Variants in ZNF112 observed in about 807,000 individuals in gnomAD.
The protein encoded by ZNF112 is zinc finger protein 112 (Y14).
Under a neutral mutation model 77.7 loss-of-function variants are expected in ZNF112, and 37 were observed. That is an observed-to-expected ratio of 0.48 (90% confidence interval 0.37 to 0.63). The LOEUF (loss-of-function observed/expected upper bound fraction) is 0.63. ZNF112 is among the 20% of genes least tolerant of loss of function. The pLI is 0.00. For synonymous variants in ZNF112, 333 were observed against 363.6 expected (o/e 0.92, Z 0.96); for missense variants, 950 against 1,077.4 (o/e 0.88, Z 1.66).
upstream of ZNF112, among the ~76,000 whole-genome samples, chr19:44,357,870 G>T (rs7359901): frequency 6.6e-6 from 1 of 152,132 alleles, no homozygotes; most frequent in Admixed American, 6.5e-5. Flanking sequence ...TGAATGGGTT[G>T]ACTCAATCCA....
At chr19:44,334,468 T>C (rs1052996654) in intron 3 of ZNF112, among the ~76,000 whole-genome samples, 1 of 152,130 alleles carries the variant, frequency 6.6e-6, no homozygotes, top group Non-Finnish European at 1.5e-5. Context: ...TGTGCCTAAG[T>C]AAAGAGGAGC....
chr19:44,337,840 TACACACACACACACAC>T lies in ZNF112; in HGVS notation c.125-1138_125-1123del, dbSNP rs71171235. Among the ~76,000 whole-genome samples, 13 of 47,490 alleles carry T rather than the reference TACACACACACACACAC, an allele frequency of 2.7e-4. No homozygotes were observed. The South Asian group carries it at 0.01, about 38-fold the overall frequency. 31.2% of individuals were successfully genotyped at this position (47,490 alleles called of 152,430 possible). A position where few individuals can be genotyped will look rare whatever the true frequency, so the allele number is the denominator to read the frequency against. On this transcript the variant is annotated intron_variant, in intron 2 of 3. Coordinates refer to ENST00000354340, the MANE Select transcript of ZNF112 (RefSeq NM_013380.4). ...ATATGTGTATGTATATACATACACA[TACACACACACACACAC>T]ACACACACACACACACACACACCCT...
chr19:44,359,852 A>G (rs1174804392), upstream of ZNF112, among the ~76,000 whole-genome samples: 1 of 152,226 alleles, frequency 6.6e-6, no homozygotes, highest in African/African-American at 2.4e-5. Context: ...AACCATGTTC[A>G]TCTCAAAATT....
chr19:44,332,546 T>A (rs2123149564), intron 3 of ZNF112, among the ~76,000 whole-genome samples: 1 of 152,342 alleles, frequency 6.6e-6, no homozygotes, highest in African/African-American at 2.4e-5. Flanking sequence ...CCAGCTAGGG[T>A]TAATCATAAT....
intron 1 of ZNF112, 111 bp from the exon 2 acceptor site, chr19:44,340,653 T>G: frequency 6.7e-7 from 1 of 1,485,062 alleles, no homozygotes; most frequent in South Asian, 1.2e-5. Flanking sequence ...CACATTTACA[T>G]AGTTCTCTTC....
chr19:44,363,060 A>G (rs958668895), intron 1 of ZNF112, among the ~76,000 whole-genome samples: 16 of 152,258 alleles, frequency 1.1e-4, no homozygotes, highest in Non-Finnish European at 1.8e-4. Context: ...GCCTTGACCA[A>G]CTGGGCTCAA....
At chr19:44,332,797 T>A (rs1410693187) in intron 3 of ZNF112, among the ~76,000 whole-genome samples, 1 of 152,182 alleles carries the variant, frequency 6.6e-6, no homozygotes, top group Admixed American at 6.5e-5. Flanking sequence ...GGTTTTGCAA[T>A]GTTAAGGACA....
At position 44,337,952 on chromosome 19, in the gene ZNF112, T is replaced by C. The variant is rs966636728; in HGVS notation, c.125-1234A>G. On this transcript the variant is annotated intron_variant, in intron 2 of 3. Transcript: ENST00000354340. Reference sequence around the variant, plus strand: ...GTGACCATACCTAGCATCCAGACTTTGGCATTAAATACCATTCCCCAGTTA... The same window carrying C: ...GTGACCATACCTAGCATCCAGACTTCGGCATTAAATACCATTCCCCAGTTA... Among the ~76,000 whole-genome samples, 20 of 142,550 alleles carry C rather than the reference T, an allele frequency of 1.4e-4. 1 individual carries two copies. The South Asian group carries it at 1.6e-3, about 12-fold the overall frequency. 93.5% of individuals were successfully genotyped at this position (142,550 alleles called of 152,430 possible).
At position 44,336,656 on chromosome 19, in the gene ZNF112, C is replaced by T. The variant is rs1273819756; in HGVS notation, c.187G>A (p.Val63Met). ...QLEREEKLLM[V>M]ETETPRDGCS... ...CCATCTCTTGGGGTTTCTGTCTCCA[C>T]CATCAAAAGCTTTTCTTCTCTCTCC... Residue 63 changes from valine (V) to methionine (M), a missense_variant, in exon 3 of 4, where the codon GTG becomes ATG. Coordinates refer to ENST00000354340, the MANE Select transcript of ZNF112 (RefSeq NM_013380.4). 3 of 1,613,894 alleles carry T rather than the reference C, an allele frequency of 1.9e-6. No homozygotes were observed. The highest frequency in any genetic ancestry group is 2.7e-5 in the African/African-American group (2 of 74,882).
At chr19:44,353,571 C>T (rs1013848341) in intron 1 of ZNF112, among the ~76,000 whole-genome samples, 11 of 151,880 alleles carry the variant, frequency 7.2e-5, no homozygotes, top group African/African-American at 2.7e-4. Context: ...CAATGTAAAA[C>T]TGGGCAAAGC....
intron 1 of ZNF112, chr19:44,367,063 C>G: frequency 2.2e-6 from 1 of 455,830 alleles, no homozygotes; most frequent in South Asian, 1.5e-5. Context: ...GCTGCAAACT[C>G]GACAAAGGCT....
At chr19:44,356,437 C>T (rs1970787603) in intron 1 of ZNF112, among the ~76,000 whole-genome samples, 189 bp downstream of exon 1, 1 of 152,122 alleles carries the variant, frequency 6.6e-6, no homozygotes. Flanking sequence ...TCTTGGACCC[C>T]CGGCGCTAAG....
intron 3 of ZNF112, among the ~76,000 whole-genome samples, chr19:44,331,485 T>C (rs920206629): frequency 2.0e-5 from 3 of 152,178 alleles, no homozygotes; most frequent in Non-Finnish European, 2.9e-5. Flanking sequence ...TAAGGACAAC[T>C]GGTTAAACAG....
intron 1 of ZNF112, among the ~76,000 whole-genome samples, chr19:44,362,147 A>C (rs1970860791): frequency 6.6e-6 from 1 of 152,186 alleles, no homozygotes; most frequent in South Asian, 2.1e-4. Flanking sequence ...GATTGTAATA[A>C]ATAAATCATT....
chr19:44,335,613 A>C (rs1267026962), intron 3 of ZNF112, among the ~76,000 whole-genome samples: 1 of 152,184 alleles, frequency 6.6e-6, no homozygotes, highest in African/African-American at 2.4e-5. Flanking sequence ...CGCTTTCTAC[A>C]TTTTTAAAGT....
At chr19:44,360,899 A>G (rs1879420558), upstream of ZNF112, among the ~76,000 whole-genome samples, 5 of 152,220 alleles carry the variant, frequency 3.3e-5, no homozygotes, top group Admixed American at 3.3e-4. Flanking sequence ...ATACACATAT[A>G]AGAATGTTCA....
chr19:44,343,710 T>C (rs528145863), intron 1 of ZNF112, among the ~76,000 whole-genome samples: 159 of 152,358 alleles, frequency 1.0e-3, no homozygotes, highest in Middle Eastern at 3.4e-3. Flanking sequence ...GTTTCAGTTC[T>C]GTCATCTGCA....
At chr19:44,341,116 A>C in intron 1 of ZNF112, 1 of 456,576 alleles carries the variant, frequency 2.2e-6, no homozygotes, top group Non-Finnish European at 4.4e-6. Flanking sequence ...TATACCATAC[A>C]GTCCTAGTAA....
At chr19:44,338,313 T>C (rs1469265037) in intron 2 of ZNF112, among the ~76,000 whole-genome samples, 1 of 152,150 alleles carries the variant, frequency 6.6e-6, no homozygotes, top group Non-Finnish European at 1.5e-5. Context: ...AAGTCATCAT[T>C]TTGTAACTGT....
Sources: allele counts gnomAD v4.1 joint callset (sites outside exome capture counted in the v4.1 genomes callset), GRCh38; gene constraint gnomAD v4.1.1; transcripts MANE v1.5; gene names NCBI Gene and HGNC (gene_info 2026-07-23, HGNC 2026-07-21).